The following ABCC3 variants were observed in gnomAD, a reference collection of about 807,000 sequenced individuals.
The protein encoded by ABCC3 is ATP binding cassette subfamily C member 3.
ABCC3 carries 121 observed loss-of-function variants against 165.3 expected under a neutral mutation model. The observed-to-expected ratio is 0.73, with a 90% confidence interval of 0.63 to 0.85. The LOEUF is 0.85. Ranked by LOEUF, ABCC3 falls within the 40% of genes least tolerant of loss-of-function variation. ABCC3 has a pLI of 0.00. For synonymous variants in ABCC3, 733 were observed against 810.1 expected, an observed-to-expected ratio of 0.90 and a Z score of 1.62; for missense variants, 1,869 against 1,964.1, an observed-to-expected ratio of 0.95 and a Z score of 0.92.
intron 17 of ABCC3, among the ~76,000 whole-genome samples, chr17:50,670,794 G>C (rs188576617): frequency 2.6e-5 from 4 of 152,122 alleles, no homozygotes; most frequent in Admixed American, 1.3e-4. Context: ...TGGGGTCTTG[G>C]AGTTCTCTGG....
At chr17:50,690,250 G>C (rs908012310) in intron 30 of ABCC3, among the ~76,000 whole-genome samples, 1 of 152,010 alleles carries the variant, frequency 6.6e-6, no homozygotes. Flanking sequence ...GCTGCACTTT[G>C]AGGACCATGG....
intron 17 of ABCC3, among the ~76,000 whole-genome samples, chr17:50,670,178 G>A (rs528442500): frequency 5.6e-4 from 85 of 152,168 alleles, no homozygotes; most frequent in Non-Finnish European, 7.8e-4. Flanking sequence ...CACCTCCCGG[G>A]TTCAAGCAAT....
chr17:50,687,564 G>T lies in ABCC3; in HGVS notation c.4309G>T (p.Ala1437Ser), dbSNP rs369148795. The part of the protein sequence containing the change: ...SVGQRQLVCL[A>S]RALLRKSRIL... ...GGGCCAGAGGCAGCTCGTGTGCCTGGCCCGAGCCCTGCTCCGCAAGAGCCG... is the reference window on the plus strand; with the variant it reads ...GGGCCAGAGGCAGCTCGTGTGCCTGTCCCGAGCCCTGCTCCGCAAGAGCCG... The change falls in exon 30 of 31, where the codon GCC becomes TCC. Residue 1437 changes from alanine (A) to serine (S), a missense_variant. By Grantham distance (99) the Ala-to-Ser change is moderately conservative (BLOSUM62 1). Transcript: ENST00000285238. The T allele has an allele frequency of 1.7e-5, 27 of 1,613,764 alleles. No individual in the cohort carries two copies. The African/African-American group carries it at 3.6e-4, about 22-fold the overall frequency.
At chr17:50,681,314 C>T (rs1967925361) in intron 26 of ABCC3, among the ~76,000 whole-genome samples, 1 of 152,172 alleles carries the variant, frequency 6.6e-6, no homozygotes, top group African/African-American at 2.4e-5. Flanking sequence ...ACCTTCCTGC[C>T]TCTCAGTCTT....
At chr17:50,638,699 T>C (rs2054201321) in intron 1 of ABCC3, among the ~76,000 whole-genome samples, 1 of 152,182 alleles carries the variant, frequency 6.6e-6, no homozygotes, top group Non-Finnish European at 1.5e-5. Context: ...AAAGGTGACC[T>C]CATTGTTCCC....
intron 1 of ABCC3, among the ~76,000 whole-genome samples, chr17:50,654,602 T>C (rs1967183947): frequency 6.6e-6 from 1 of 152,122 alleles, no homozygotes; most frequent in African/African-American, 2.4e-5. Flanking sequence ...AGACTCTCCA[T>C]ATCCTTTGGT....
intron 1 of ABCC3, among the ~76,000 whole-genome samples, chr17:50,640,988 A>T (rs2054225892): frequency 6.6e-6 from 1 of 152,074 alleles, no homozygotes; most frequent in Non-Finnish European, 1.5e-5. Context: ...CTCCAGTACC[A>T]CACAGGAATA....
At chr17:50,677,290 G>A (rs975741092) in intron 23 of ABCC3, among the ~76,000 whole-genome samples, 13 of 152,188 alleles carry the variant, frequency 8.5e-5, no homozygotes, top group African/African-American at 3.1e-4. Flanking sequence ...GTTTAACATA[G>A]ATGAGTTGAT....
rs1967812514 is a variant in ABCC3 at position 50,676,472 on chromosome 17, C to G, written c.3262C>G (p.Leu1088Val). The G allele has an allele frequency of 6.2e-7, 1 of 1,614,088 alleles. No individual in the cohort carries two copies. Among genetic ancestry groups the G allele is most frequent in the African/African-American group, 1.3e-5 (1 of 74,934 alleles). ...TGATGAGGTTCTGGCCCCTGTCATC[C>G]TCATGCTGCTCAATTCCTTCTTCAA... Reference protein sequence around the residue: ...VVDEVLAPVILMLLNSFFNAI... With the variant: ...VVDEVLAPVIVMLLNSFFNAI... Residue 1088 changes from leucine to valine, a missense_variant, in exon 23 of 31, where the codon CTC (leucine) becomes GTC (valine). Leu to Val is a conservative substitution (Grantham distance 32, BLOSUM62 1). Transcript: ENST00000285238.
chr17:50,676,243 C>T, intron 22 of ABCC3, 35 bp from the exon 23 acceptor site: 1 of 1,596,082 alleles, frequency 6.3e-7, no homozygotes, highest in Non-Finnish European at 8.5e-7. Flanking sequence ...GCTCACTAGT[C>T]CAGGTGAGCC....
chr17:50,653,746 G>A (rs577170043), intron 1 of ABCC3, among the ~76,000 whole-genome samples: 1 of 137,958 alleles, frequency 7.2e-6, no homozygotes, highest in Non-Finnish European at 1.6e-5. Flanking sequence ...AGAGTGAAAC[G>A]CCATCTCAAA....
chr17:50,679,602 C>A, intron 25 of ABCC3, 196 bp from the exon 26 acceptor site: 1 of 522,844 alleles, frequency 1.9e-6, no homozygotes. Flanking sequence ...TAAGTCTGCA[C>A]TGTCACTGCC....
intron 19 of ABCC3, chr17:50,674,487 T>C: frequency 6.6e-6 from 1 of 152,332 alleles, no homozygotes; most frequent in Non-Finnish European, 1.5e-5. Context: ...CGCTTATTTA[T>C]CAACCAAAAT....
chr17:50,646,019 CAAGTA>C (rs1966996462), intron 1 of ABCC3, among the ~76,000 whole-genome samples: 1 of 151,634 alleles, frequency 6.6e-6, no homozygotes, highest in Non-Finnish European at 1.5e-5. Context: ...TACATGTCAG[CAAGTA>C]AAGGAAAAGA....
At chr17:50,639,523 G>A (rs1011192835) in intron 1 of ABCC3, among the ~76,000 whole-genome samples, 1 of 152,038 alleles carries the variant, frequency 6.6e-6, no homozygotes, top group Admixed American at 6.5e-5. Flanking sequence ...GACCAGCTGA[G>A]CCACCCCGGA....
intron 11 of ABCC3, among the ~76,000 whole-genome samples, chr17:50,665,699 G>A (rs183320983): frequency 1.3e-3 from 194 of 151,092 alleles, no homozygotes; most frequent in African/African-American, 4.6e-3. Context: ...TCTGCCTCCC[G>A]GGTTCAAGCG....
At chr17:50,646,104 A>G (rs1262721811) in intron 1 of ABCC3, among the ~76,000 whole-genome samples, 2 of 152,244 alleles carry the variant, frequency 1.3e-5, no homozygotes, top group African/African-American at 4.8e-5. Context: ...TAGAGAAAAG[A>G]AAAAGCGGAG....
rs1967583267 is a variant in ABCC3 at position 50,668,917 on chromosome 17, C to A, written c.1935C>A (p.His645Gln). 6.2e-7 allele frequency: 1 copy of A among 1,614,028 alleles called. No individual in the cohort carries two copies. Among genetic ancestry groups the A allele is most frequent in the African/African-American group, 1.3e-5 (1 of 75,048 alleles). Residue 645 changes from histidine to glutamine, a missense_variant and splice_region_variant, in exon 15 of 31, where the codon CAC becomes CAA. Physicochemically the swap from His to Gln is conservative, Grantham distance 24. Coordinates refer to ENST00000285238, the MANE Select transcript of ABCC3 (RefSeq NM_003786.4). ...TWAQDLPPTL[H>Q]SLDIQVPKGA... Reference sequence around the variant, plus strand: ...CCCAGGACCTGCCCCCCACTCTGCACAGGTACCAGCTTCTCCCACTCCCTT... The same window carrying A: ...CCCAGGACCTGCCCCCCACTCTGCAAAGGTACCAGCTTCTCCCACTCCCTT...
intron 17 of ABCC3, 84 bp from the exon 18 acceptor site, chr17:50,672,887 C>A: frequency 1.3e-5 from 16 of 1,215,116 alleles, no homozygotes; most frequent in Non-Finnish European, 1.6e-5. Context: ...AAAAAAAAAT[C>A]TGCCATCCCA....
Sources: allele counts gnomAD v4.1 joint callset (sites outside exome capture counted in the v4.1 genomes callset), GRCh38; gene constraint gnomAD v4.1.1; transcripts MANE v1.5; gene names NCBI Gene and HGNC (gene_info 2026-07-23, HGNC 2026-07-21).